The following PTPRG variants were observed in gnomAD, a reference collection of about 807,000 sequenced individuals.
The protein encoded by PTPRG is protein tyrosine phosphatase receptor type G.
PTPRG carries 102 observed loss-of-function variants against 165.3 expected under a neutral mutation model. The observed-to-expected ratio is 0.62, with a 90% confidence interval of 0.53 to 0.73. The LOEUF (loss-of-function observed/expected upper bound fraction) is 0.73. PTPRG is among the 30% of genes least tolerant of loss of function. The pLI, the probability that PTPRG is intolerant of heterozygous loss-of-function variation, is 0.00. For missense variants in PTPRG, 1,866 were observed against 1,861.4 expected (o/e 1.00, Z -0.05); for synonymous variants, 675 against 669.5 (o/e 1.01, Z -0.13).
intron 2 of PTPRG, among the ~76,000 whole-genome samples, chr3:61,861,804 G>A (rs1448209958): frequency 3.3e-5 from 5 of 152,184 alleles, no homozygotes; most frequent in African/African-American, 9.7e-5. Context: ...AATGCATGCC[G>A]ATGCCCGTGG....
intron 23 of PTPRG, among the ~76,000 whole-genome samples, chr3:62,275,097 T>A: frequency 6.6e-6 from 1 of 152,086 alleles, no homozygotes. Context: ...TCTCATATAC[T>A]CCATTAGGAT....
At chr3:62,099,610 T>A (rs1411924088) in intron 5 of PTPRG, among the ~76,000 whole-genome samples, 1 of 152,094 alleles carries the variant, frequency 6.6e-6, no homozygotes, top group Non-Finnish European at 1.5e-5. Flanking sequence ...TAGAGACTTT[T>A]AATGACATGA....
intron 2 of PTPRG, among the ~76,000 whole-genome samples, chr3:61,839,212 A>G (rs1304910019): frequency 6.6e-6 from 1 of 152,234 alleles, no homozygotes; most frequent in Admixed American, 6.5e-5. Context: ...AGGCAGGAAA[A>G]GCTTATTTAA....
chr3:61,830,271 T>C (rs1415973036), intron 2 of PTPRG, among the ~76,000 whole-genome samples: 4 of 152,236 alleles, frequency 2.6e-5, no homozygotes, highest in Non-Finnish European at 5.9e-5. Flanking sequence ...ATTTCAAGAC[T>C]GCTATGCTTT....
At chr3:61,683,911 C>T (rs942156458) in intron 1 of PTPRG, among the ~76,000 whole-genome samples, 5 of 152,266 alleles carry the variant, frequency 3.3e-5, no homozygotes, top group Middle Eastern at 3.4e-3. Context: ...ATGTGATTAT[C>T]GTCTTGGGGC....
chr3:62,131,483 C>A (rs533749837), intron 5 of PTPRG, among the ~76,000 whole-genome samples: 12 of 152,090 alleles, frequency 7.9e-5, no homozygotes, highest in Non-Finnish European at 1.8e-4. Context: ...AAAATTAATT[C>A]TAGGGGTGGC....
chr3:61,978,368 A>G (rs1032995690), intron 2 of PTPRG, among the ~76,000 whole-genome samples: 2 of 152,188 alleles, frequency 1.3e-5, no homozygotes, highest in Admixed American at 6.6e-5. Context: ...TCCCTACTCT[A>G]ATTCTTCCCA....
intron 2 of PTPRG, among the ~76,000 whole-genome samples, chr3:61,779,868 A>G (rs972359288): frequency 2.0e-5 from 3 of 152,180 alleles, no homozygotes; most frequent in African/African-American, 4.8e-5. Flanking sequence ...GTTGCCATCC[A>G]GAAGGGCTGG....
intron 21 of PTPRG, among the ~76,000 whole-genome samples, chr3:62,272,018 C>A (rs1017292080): frequency 4.6e-5 from 7 of 152,026 alleles, no homozygotes; most frequent in Non-Finnish European, 8.8e-5. Context: ...TCCCTTGAAC[C>A]CAGTAGGTCA....
intron 1 of PTPRG, among the ~76,000 whole-genome samples, chr3:61,622,729 C>T (rs1169683039): frequency 6.6e-6 from 1 of 152,082 alleles, no homozygotes; most frequent in Non-Finnish European, 1.5e-5. Flanking sequence ...CAGTAATAGT[C>T]TTACCTTAGT....
intron 5 of PTPRG, among the ~76,000 whole-genome samples, chr3:62,121,242 C>A (rs544745534): frequency 6.6e-6 from 1 of 152,096 alleles, no homozygotes; most frequent in Non-Finnish European, 1.5e-5. Flanking sequence ...CGTGAGCCAC[C>A]GCGCCCAGCC....
intron 1 of PTPRG, among the ~76,000 whole-genome samples, chr3:61,578,787 A>G (rs989584444): frequency 3.9e-5 from 6 of 152,294 alleles, no homozygotes; most frequent in Admixed American, 6.5e-5. Context: ...GAGGGATGCA[A>G]AGGCACAGCT....
rs1228428468 is a variant in PTPRG at position 62,132,682 on chromosome 3, A to G, written c.682+14A>G. 4 of 1,591,642 alleles carry G rather than the reference A, an allele frequency of 2.5e-6. No individual in the cohort carries two copies. Among genetic ancestry groups the G allele is most frequent in the East Asian group, 2.2e-5 (1 of 44,768 alleles). On this transcript the variant is annotated intron_variant, in intron 6 of 29. Coordinates refer to ENST00000474889, the MANE Select transcript of PTPRG (RefSeq NM_002841.4). The stretch of plus-strand genomic sequence containing the variant: ...TCGTACATCATGGTAAGTATGCCAC[A>G]TACACTTCCTTTTGCTGGGATGTGA...
chr3:61,921,728 T>A (rs952295099), intron 2 of PTPRG, among the ~76,000 whole-genome samples: 1 of 152,192 alleles, frequency 6.6e-6, no homozygotes, highest in Non-Finnish European at 1.5e-5. Context: ...TATTTGAAAA[T>A]ATTCCAAAAT....
intron 1 of PTPRG, among the ~76,000 whole-genome samples, chr3:61,600,762 A>G (rs1700842413): frequency 6.6e-6 from 1 of 151,984 alleles, no homozygotes; most frequent in South Asian, 2.1e-4. Flanking sequence ...GCTGGTCTCA[A>G]ACTCCTAAGC....
intron 2 of PTPRG, among the ~76,000 whole-genome samples, chr3:61,877,798 T>G (rs974601131): frequency 1.3e-5 from 2 of 152,212 alleles, no homozygotes; most frequent in South Asian, 4.1e-4. Context: ...ATTTAAACTC[T>G]GAACAAACTG....
intron 6 of PTPRG, among the ~76,000 whole-genome samples, chr3:62,152,668 A>C (rs982968916): frequency 7.9e-5 from 12 of 152,130 alleles, no homozygotes; most frequent in African/African-American, 2.9e-4. Flanking sequence ...ACTTGAACTG[A>C]GATGGGGGAA....
intron 2 of PTPRG, among the ~76,000 whole-genome samples, chr3:61,978,066 G>A (rs1332172033): frequency 1.3e-5 from 2 of 152,166 alleles, no homozygotes; most frequent in Non-Finnish European, 2.9e-5. Context: ...TGGCCAGGCT[G>A]TTCTCAAACT....
rs955808969 is a variant in PTPRG, at chr3:62,217,044, C to T, written c.2156-1807C>T. On this transcript the variant is annotated intron_variant, in intron 12 of 29. Transcript: ENST00000474889. This position sits in a 1 kb window ranked among gnomAD's most constrained non-coding sequence, Gnocchi z 4.3. Reference sequence around the variant, plus strand: ...TTAATTGTTGTTGTGCCTGCCTCTCCCCATTTAAAAGATTCCTCCCCATGG... The same window carrying T: ...TTAATTGTTGTTGTGCCTGCCTCTCTCCATTTAAAAGATTCCTCCCCATGG... Among the ~76,000 whole-genome samples the T allele has an allele frequency of 6.6e-6, 1 of 152,138 alleles. No individual in the cohort carries two copies. The highest frequency in any genetic ancestry group is 6.5e-5 in the Admixed American group (1 of 15,276).
Sources: allele counts gnomAD v4.1 joint callset (sites outside exome capture counted in the v4.1 genomes callset), GRCh38; gene constraint gnomAD v4.1.1; non-coding constraint Gnocchi (gnomAD v3.1); transcripts MANE v1.5; gene names NCBI Gene and HGNC (gene_info 2026-07-23, HGNC 2026-07-21).